WWOX: variants seen among roughly 807,000 people sequenced by gnomAD.
The protein encoded by WWOX is WW domain-containing oxidoreductase.
WWOX carries 69 observed loss-of-function variants against 46.2 expected under a neutral mutation model. The ratio of observed to expected loss-of-function variants is 1.49; its 90% CI spans 1.23 to 1.82. The LOEUF (loss-of-function observed/expected upper bound fraction) is 1.82, where lower values mean the gene tolerates loss of function less well. WWOX is among the 40% of genes most tolerant of loss of function. WWOX has a pLI of 0.00. For missense variants in WWOX, 919 were observed against 542.6 expected (o/e 1.69, Z -6.89); for synonymous variants, 359 against 202.6 (o/e 1.77, Z -6.56).
chr16:78,237,280 A>G (rs1289390509), intron 5 of WWOX: 1 of 152,152 alleles, frequency 6.6e-6, no homozygotes, highest in South Asian at 2.1e-4. Context: ...CATGATTCCA[A>G]TTTAAGAGGG....
chr16:78,535,662 C>G (rs1407351926), intron 8 of WWOX: 1 of 152,230 alleles, frequency 6.6e-6, no homozygotes, highest in Non-Finnish European at 1.5e-5. Context: ...TTTAAACAAT[C>G]TCTTCCCTGT....
intron 5 of WWOX, among the ~76,000 whole-genome samples, chr16:78,343,844 T>G (rs1309374960): frequency 8.3e-6 from 1 of 120,188 alleles, no homozygotes; most frequent in African/African-American, 2.8e-5. Flanking sequence ...ACACCCGTTT[T>G]GGGCTTGAAA....
At chr16:78,783,859 G>A (rs559407818) in intron 8 of WWOX, among the ~76,000 whole-genome samples, 168 of 141,712 alleles carry the variant, frequency 1.2e-3, no homozygotes, top group African/African-American at 4.3e-3. Context: ...GTGATATGAC[G>A]CTGATGATGG....
chr16:78,653,424 T>G (rs879819611), intron 8 of WWOX, among the ~76,000 whole-genome samples: 1 of 152,250 alleles, frequency 6.6e-6, no homozygotes, highest in African/African-American at 2.4e-5. Flanking sequence ...TAATGATTAG[T>G]CTAAGCCCAT....
chr16:79,133,371 G>T (rs373981774), intron 8 of WWOX, among the ~76,000 whole-genome samples: 2 of 152,112 alleles, frequency 1.3e-5, no homozygotes, highest in Non-Finnish European at 2.9e-5. Flanking sequence ...CCCAATATCA[G>T]TTCCTTAAAT....
At chr16:79,103,353 G>C (rs575908317) in intron 8 of WWOX, among the ~76,000 whole-genome samples, 1 of 152,212 alleles carries the variant, frequency 6.6e-6, no homozygotes. Flanking sequence ...GAATCCAGCA[G>C]CTGAAATCCT....
At chr16:78,319,249 T>C (rs975572284) in intron 5 of WWOX, among the ~76,000 whole-genome samples, 23 of 152,108 alleles carry the variant, frequency 1.5e-4, no homozygotes, top group African/African-American at 5.6e-4. Flanking sequence ...ACCGTAGAGC[T>C]ACCAGAAGGG....
intron 8 of WWOX, among the ~76,000 whole-genome samples, chr16:79,017,682 A>G (rs1309226479): frequency 1.3e-5 from 2 of 151,696 alleles, no homozygotes; most frequent in Non-Finnish European, 2.9e-5. Context: ...TGAATTCCAT[A>G]TGTCATGAAA....
chr16:78,963,573 A>T (rs1273881526), intron 8 of WWOX, among the ~76,000 whole-genome samples: 1 of 152,226 alleles, frequency 6.6e-6, no homozygotes, highest in Non-Finnish European at 1.5e-5. Flanking sequence ...TTACTGAATT[A>T]GAGTTCAGTA....
chr16:78,306,624 C>T (rs1354868307), intron 5 of WWOX, among the ~76,000 whole-genome samples: 1 of 152,136 alleles, frequency 6.6e-6, no homozygotes, highest in Non-Finnish European at 1.5e-5. Context: ...CCCACAATTC[C>T]CAGTGAGCCC....
chr16:78,215,268 A>G lies in WWOX; in HGVS notation c.516+50979A>G, dbSNP rs183609499. Among the ~76,000 whole-genome samples, 78 of 152,132 alleles carry G rather than the reference A, an allele frequency of 5.1e-4. 1 individual carries two copies. The highest frequency in any genetic ancestry group is 3.1e-3 in the Admixed American group (47 of 15,284). On this transcript the variant is annotated intron_variant, in intron 5 of 8. Coordinates refer to ENST00000566780, the MANE Select transcript of WWOX (RefSeq NM_016373.4). ...TGTTTCCTCTTTGTTAATCCTCATG[A>G]TGATTGGTATGGTTTGGCTGTGTCC...
chr16:78,418,322 C>G (rs952612708), intron 6 of WWOX, among the ~76,000 whole-genome samples: 1 of 151,798 alleles, frequency 6.6e-6, no homozygotes, highest in South Asian at 2.1e-4. Context: ...CGAGATTGCA[C>G]CACTGCACTC....
chr16:78,869,934 A>C (rs1257640137), intron 8 of WWOX, among the ~76,000 whole-genome samples: 3 of 152,196 alleles, frequency 2.0e-5, no homozygotes, highest in African/African-American at 4.8e-5. Context: ...CATTGACGTC[A>C]GTGCCTTGGG....
intron 8 of WWOX, among the ~76,000 whole-genome samples, chr16:78,573,004 A>G (rs567511609): frequency 6.6e-6 from 1 of 152,168 alleles, no homozygotes; most frequent in Non-Finnish European, 1.5e-5. Context: ...TAAAAAAATT[A>G]TAGCCGGGCA....
At chr16:78,703,631 TTTTG>T (rs997202161) in intron 8 of WWOX, among the ~76,000 whole-genome samples, 6 of 151,974 alleles carry the variant, frequency 3.9e-5, no homozygotes, top group Admixed American at 1.3e-4. Context: ...TTTTGTTTTT[TTTTG>T]TTTGTTTGTT....
chr16:78,771,082 A>G (rs184943896), intron 8 of WWOX, among the ~76,000 whole-genome samples: 112 of 152,352 alleles, frequency 7.4e-4, no homozygotes, highest in Non-Finnish European at 1.3e-3. Context: ...ATGGCATGCA[A>G]GTAAGCCAGC....
At chr16:78,787,744 T>C (rs2050492850) in intron 8 of WWOX, among the ~76,000 whole-genome samples, 1 of 152,360 alleles carries the variant, frequency 6.6e-6, no homozygotes, top group Non-Finnish European at 1.5e-5. Flanking sequence ...AGCCACCAAA[T>C]TGTTTTCCAC....
At chr16:78,698,679 C>G (rs536916023) in intron 8 of WWOX, among the ~76,000 whole-genome samples, 1 of 152,060 alleles carries the variant, frequency 6.6e-6, no homozygotes, top group Non-Finnish European at 1.5e-5. Context: ...ATATGATAAA[C>G]CTTAAGTATT....
intron 8 of WWOX, among the ~76,000 whole-genome samples, chr16:78,586,572 C>G (rs970547056): frequency 6.6e-6 from 1 of 152,144 alleles, no homozygotes; most frequent in African/African-American, 2.4e-5. Flanking sequence ...ATTTTAGAAA[C>G]GAGAAAATGG....
Sources: gnomAD v4.1 joint callset for allele counts (sites outside exome capture counted in the v4.1 genomes callset) on GRCh38, gnomAD v4.1.1 for gene constraint, MANE v1.5 for transcripts, NCBI Gene and HGNC (gene_info 2026-07-23, HGNC 2026-07-21) for gene names.